The following ADAM28 variants were observed in gnomAD, a reference collection of about 807,000 sequenced individuals.
The protein encoded by ADAM28 is ADAM metallopeptidase domain 28.
A neutral mutation model predicts 101.2 loss-of-function variants in ADAM28; 105 were observed. The ratio of observed to expected loss-of-function variants is 1.04; its 90% CI spans 0.89 to 1.22. The LOEUF is 1.22. Ranked by LOEUF, ADAM28 falls within the 50% of genes most tolerant of loss-of-function variation. ADAM28 has a pLI of 0.00. For synonymous variants in ADAM28, 322 were observed against 310.6 expected (o/e 1.04, Z -0.39); for missense variants, 1,028 against 945.4 (o/e 1.09, Z -1.15).
At chr8:24,320,361 T>G in intron 7 of ADAM28, 54 bp downstream of exon 7, 1 of 1,153,446 alleles carries the variant, frequency 8.7e-7, no homozygotes, top group Non-Finnish European at 1.3e-6. Context: ...CACATATATT[T>G]ATTTATTATG....
intron 2 of ADAM28, among the ~76,000 whole-genome samples, chr8:24,306,391 AAT>A (rs904095873): frequency 1.1e-4 from 14 of 126,216 alleles, no homozygotes; most frequent in African/African-American, 2.1e-4. Flanking sequence ...TATATTTAAA[AAT>A]ATATATATAT....
At chr8:24,323,005 A>T (rs930759933) in intron 8 of ADAM28, among the ~76,000 whole-genome samples, 1 of 151,956 alleles carries the variant, frequency 6.6e-6, no homozygotes, top group Non-Finnish European at 1.5e-5. Context: ...TTAGAGGACC[A>T]TTGTCTCATT....
At chr8:24,303,107 AT>A (rs1809055096) in intron 2 of ADAM28, among the ~76,000 whole-genome samples, 1 of 152,014 alleles carries the variant, frequency 6.6e-6, no homozygotes, top group Non-Finnish European at 1.5e-5. Context: ...GTTCACTCTG[AT>A]GATAGTTTAT....
chr8:24,333,504 A>G (rs1813635970), intron 13 of ADAM28, among the ~76,000 whole-genome samples: 1 of 152,214 alleles, frequency 6.6e-6, no homozygotes, highest in South Asian at 2.1e-4. Context: ...CACCTTAAAT[A>G]CAGGCAACAA....
chr8:24,320,501 C>A (rs1585603824), intron 7 of ADAM28, among the ~76,000 whole-genome samples, 194 bp downstream of exon 7: 1 of 151,958 alleles, frequency 6.6e-6, no homozygotes, highest in African/African-American at 2.4e-5. Flanking sequence ...GCGATCAGGG[C>A]AATTGATATG....
At chr8:24,327,983 T>C (rs998876688) in intron 10 of ADAM28, among the ~76,000 whole-genome samples, 3 of 152,090 alleles carry the variant, frequency 2.0e-5, no homozygotes, top group African/African-American at 7.2e-5. Context: ...TAAATTAGTT[T>C]TCATTTGTAC....
intron 1 of ADAM28, among the ~76,000 whole-genome samples, chr8:24,298,862 A>G (rs1734159204): frequency 6.6e-6 from 1 of 152,124 alleles, no homozygotes; most frequent in Admixed American, 6.5e-5. Flanking sequence ...TAGAAAATCT[A>G]ATGTTAGCTT....
intron 5 of ADAM28, among the ~76,000 whole-genome samples, chr8:24,312,307 ATTTTAATCAATG>A (rs1304096978): frequency 2.0e-5 from 3 of 152,008 alleles, no homozygotes; most frequent in Non-Finnish European, 4.4e-5. Context: ...CATGTTCTTT[ATTTTAATCAATG>A]GTATAATTAG....
rs1348212072 is a variant in ADAM28 at position 24,357,236 on chromosome 8, A to ATAATT, written c.*2833_*2837dup. 2 of 152,328 alleles carry ATAATT rather than the reference A, an allele frequency of 1.3e-5. No individual in the cohort carries two copies. Among genetic ancestry groups the ATAATT allele is most frequent in the African/African-American group, 4.8e-5 (2 of 41,578 alleles). The allele number at this position is 152,328 out of a possible 1,614,324, so 9.4% of individuals were successfully genotyped here. A position where few individuals can be genotyped will look rare whatever the true frequency, so the allele number is the denominator to read the frequency against. Reference sequence around the variant, plus strand: ...ATTACACACCCACAGAAACTGTATGATAATTAATATGTGTTGTTTAAAGTT... The same window carrying ATAATT: ...ATTACACACCCACAGAAACTGTATGATAATTTAATTAATATGTGTTGTTTAAAGTT... On this transcript the variant is annotated 3_prime_UTR_variant, in exon 23 of 23. Coordinates refer to ENST00000265769, the MANE Select transcript of ADAM28 (RefSeq NM_014265.6).
chr8:24,350,892 G>T (rs1169687488), intron 19 of ADAM28, among the ~76,000 whole-genome samples: 1 of 138,420 alleles, frequency 7.2e-6, no homozygotes. Flanking sequence ...TTTTTTTTTA[G>T]CACTTTTAAA....
intron 2 of ADAM28, among the ~76,000 whole-genome samples, chr8:24,303,660 T>C (rs1021404629): frequency 9.2e-5 from 14 of 152,224 alleles, no homozygotes; most frequent in African/African-American, 3.1e-4. Context: ...TAAAGTAATT[T>C]TTTTCTAATT....
At chr8:24,353,531 C>T (rs1040511667) in intron 21 of ADAM28, among the ~76,000 whole-genome samples, 11 of 151,966 alleles carry the variant, frequency 7.2e-5, no homozygotes, top group East Asian at 5.8e-4. Flanking sequence ...TCGCCCAAGA[C>T]GAGTGACACT....
intron 19 of ADAM28, 56 bp from the exon 20 acceptor site, chr8:24,351,176 C>G: frequency 1.5e-6 from 2 of 1,371,984 alleles, no homozygotes; most frequent in Non-Finnish European, 2.0e-6. Flanking sequence ...CGGAGTTTCC[C>G]TGTCATGCTG....
Position 24,329,980 on chromosome 8 carries a change from T to C in ADAM28, c.973-5T>C. 6.2e-7 allele frequency: 1 copy of C among 1,611,440 alleles called. No homozygotes were observed. The highest frequency in any genetic ancestry group is 1.3e-5 in the African/African-American group (1 of 74,872). On this transcript the variant is annotated splice_polypyrimidine_tract_variant and splice_region_variant and intron_variant, in intron 10 of 22. Transcript: ENST00000265769. ...GAGAATCTTTTTCTTCTTTCATACC[T>C]TTAGGACCACAGCGATAATCTTCTT...
intron 2 of ADAM28, among the ~76,000 whole-genome samples, chr8:24,301,268 AT>A (rs1808719004): frequency 6.6e-6 from 1 of 152,208 alleles, no homozygotes; most frequent in South Asian, 2.1e-4. Flanking sequence ...CTAACTTCAG[AT>A]GGAACCCAAA....
In ADAM28 at chr8:24,323,833, G is replaced by C; in HGVS notation, c.721-1G>C. On this transcript the variant is annotated splice_acceptor_variant, in intron 8 of 22. Transcript: ENST00000265769. LOFTEE classifies it high-confidence loss of function. The stretch of plus-strand genomic sequence containing the variant: ...CTTTGCCATTTATTTTCTTTGGACA[G>C]CTTTATAAAAAGCTCAATACTCATG... The C allele has an allele frequency of 6.2e-6, 10 of 1,606,032 alleles. No individual in the cohort carries two copies. The highest frequency in any genetic ancestry group is 8.5e-6 in the Non-Finnish European group (10 of 1,175,828).
intron 2 of ADAM28, among the ~76,000 whole-genome samples, chr8:24,303,889 A>C (rs1236226508): frequency 1.3e-5 from 2 of 151,992 alleles, no homozygotes; most frequent in Non-Finnish European, 1.5e-5. Flanking sequence ...AAATTTTACA[A>C]GTTCACCTGT....
At chr8:24,351,834 C>T (rs73217065) in intron 20 of ADAM28, among the ~76,000 whole-genome samples, 153 bp from the exon 21 acceptor site, 8,283 of 151,010 alleles carry the variant, frequency 0.055, 270 homozygotes, top group African/African-American at 0.075. Flanking sequence ...CTATGGAATA[C>T]GCCAGCAGGA....
chr8:24,331,180 C>T lies in ADAM28; in HGVS notation c.1134C>T (p.Cys378=), dbSNP rs774544291. The T allele has an allele frequency of 1.2e-5, 19 of 1,612,680 alleles. No homozygotes were observed. The highest frequency in any genetic ancestry group is 5.0e-5 in the Admixed American group (3 of 59,854). ...ATATACCCACAGACTTCAGTTCCTG[C>T]AGCCGTCTCAGCTATGACAAGTTTT... is the stretch of plus-strand genomic sequence containing the variant. ...SFYIPTDFSS[C]SRLSYDKFFE... Residue 378 remains cysteine (C), a synonymous_variant, in exon 12 of 23, where the codon TGC becomes TGT. Coordinates refer to ENST00000265769, the MANE Select transcript of ADAM28 (RefSeq NM_014265.6).
Sources: gnomAD v4.1 joint callset for allele counts (sites outside exome capture counted in the v4.1 genomes callset) on GRCh38, gnomAD v4.1.1 for gene constraint, MANE v1.5 for transcripts, NCBI Gene and HGNC (gene_info 2026-07-23, HGNC 2026-07-21) for gene names.